The following GMDS variants were observed in gnomAD, a reference collection of about 807,000 sequenced individuals.
GMDS encodes GDP-mannose 4,6-dehydratase.
Under a neutral mutation model 49.9 loss-of-function variants are expected in GMDS, and 20 were observed. The ratio of observed to expected loss-of-function variants is 0.40; its 90% confidence interval spans 0.28 to 0.58. The LOEUF (loss-of-function observed/expected upper bound fraction) is 0.58. Among genes scored for constraint, GMDS ranks in the 20% least tolerant of loss-of-function variants. The probability of loss-of-function intolerance (pLI) is 0.42; values close to 1 mark genes in which losing one functional copy is unlikely to be tolerated. For synonymous variants in GMDS, 177 were observed against 178.6 expected, an observed-to-expected ratio of 0.99 and a Z score of 0.07; for missense variants, 362 against 481.4, an observed-to-expected ratio of 0.75 and a Z score of 2.32.
chr6:1,984,153 A>T (rs1765396837), intron 4 of GMDS, among the ~76,000 whole-genome samples: 1 of 152,152 alleles, frequency 6.6e-6, no homozygotes, highest in Non-Finnish European at 1.5e-5. Context: ...TCTCACTTAT[A>T]AGTGGGAGGT....
At chr6:1,649,603 C>T (rs1365503545) in intron 9 of GMDS, among the ~76,000 whole-genome samples, 1 of 152,206 alleles carries the variant, frequency 6.6e-6, no homozygotes, top group Non-Finnish European at 1.5e-5. Context: ...GGCACAGATG[C>T]ACTAGATCCA....
chr6:1,944,669 CAAAAAAA>C (rs56229524), intron 6 of GMDS, among the ~76,000 whole-genome samples: 35,417 of 101,912 alleles, frequency 0.35, 4,554 homozygotes, highest in Middle Eastern at 0.43. Context: ...GACTCCGTCT[CAAAAAAA>C]AAAAAAAAAA....
chr6:2,211,819 A>G (rs1780074375), intron 1 of GMDS, among the ~76,000 whole-genome samples: 1 of 152,248 alleles, frequency 6.6e-6, no homozygotes, highest in South Asian at 2.1e-4. Context: ...TTTGAAAACA[A>G]TGTTACCAAG....
intron 6 of GMDS, among the ~76,000 whole-genome samples, chr6:1,957,803 T>C (rs1763724226): frequency 6.6e-6 from 1 of 152,150 alleles, no homozygotes; most frequent in African/African-American, 2.4e-5. Flanking sequence ...TTTTATTACT[T>C]TAAAACAATT....
chr6:1,756,606 G>A (rs1361403947), intron 7 of GMDS, among the ~76,000 whole-genome samples: 7 of 152,260 alleles, frequency 4.6e-5, no homozygotes, highest in African/African-American at 1.7e-4. Context: ...GATTCAGTGT[G>A]CAGGAACTCA....
At chr6:1,763,237 C>T (rs1368454175) in intron 7 of GMDS, among the ~76,000 whole-genome samples, 3 of 152,210 alleles carry the variant, frequency 2.0e-5, no homozygotes, top group Non-Finnish European at 4.4e-5. Context: ...CCCACTAGGT[C>T]AGCCCCATTG....
At chr6:1,898,514 C>T (rs1760335937) in intron 7 of GMDS, among the ~76,000 whole-genome samples, 1 of 152,108 alleles carries the variant, frequency 6.6e-6, no homozygotes. Flanking sequence ...TAATAGTTTC[C>T]ACCCTCCTTG....
chr6:1,957,085 G>A (rs1763680096), intron 6 of GMDS, among the ~76,000 whole-genome samples: 1 of 152,146 alleles, frequency 6.6e-6, no homozygotes, highest in Non-Finnish European at 1.5e-5. Context: ...TTACAGGCAT[G>A]AGCCATCGCG....
intron 9 of GMDS, among the ~76,000 whole-genome samples, chr6:1,698,787 CTTTTTTTT>C (rs10641587): frequency 2.3e-5 from 3 of 133,076 alleles, no homozygotes; most frequent in Non-Finnish European, 3.2e-5. Flanking sequence ...CCTGGTTTCC[CTTTTTTTT>C]TTTTTTTTTT....
At chr6:2,122,814 G>A (rs964869415) in intron 2 of GMDS, among the ~76,000 whole-genome samples, 8 of 152,274 alleles carry the variant, frequency 5.3e-5, no homozygotes, top group African/African-American at 1.4e-4. Flanking sequence ...GTACTTTCCC[G>A]CTATAGTGTC....
At chr6:1,819,853 G>A (rs1351878410) in intron 7 of GMDS, among the ~76,000 whole-genome samples, 1 of 149,962 alleles carries the variant, frequency 6.7e-6, no homozygotes, top group African/African-American at 2.4e-5. Flanking sequence ...GACATTTTAG[G>A]AGTAATGTTT....
intron 9 of GMDS, among the ~76,000 whole-genome samples, chr6:1,687,901 T>C (rs1251793276): frequency 2.6e-5 from 4 of 151,964 alleles, no homozygotes; most frequent in Non-Finnish European, 5.9e-5. Flanking sequence ...GAGAACACTG[T>C]AAGCTGCGGG....
At chr6:1,812,734 T>G (rs1688466507) in intron 7 of GMDS, among the ~76,000 whole-genome samples, 1 of 152,150 alleles carries the variant, frequency 6.6e-6, no homozygotes, top group Non-Finnish European at 1.5e-5. Flanking sequence ...TGAGATTTGT[T>G]AGTGTAAATT....
At chr6:1,857,726 A>G (rs548404749) in intron 7 of GMDS, among the ~76,000 whole-genome samples, 9 of 152,312 alleles carry the variant, frequency 5.9e-5, no homozygotes, top group Admixed American at 1.3e-4. Flanking sequence ...TATTTTTAGC[A>G]AGACTGAGCC....
At chr6:1,715,405 T>C (rs1386552474) in intron 9 of GMDS, among the ~76,000 whole-genome samples, 1 of 152,212 alleles carries the variant, frequency 6.6e-6, no homozygotes, top group East Asian at 1.9e-4. Flanking sequence ...AATGTGCACA[T>C]TCATTCATTC....
intron 6 of GMDS, chr6:1,952,107 A>C: frequency 2.9e-4 from 120 of 411,588 alleles, no homozygotes; most frequent in East Asian, 4.8e-4. Flanking sequence ...ACTCAATCTC[A>C]TGCTGCTTCT....
intron 4 of GMDS, among the ~76,000 whole-genome samples, chr6:2,013,008 C>T (rs1414353157): frequency 1.3e-5 from 2 of 152,048 alleles, no homozygotes; most frequent in East Asian, 1.9e-4. Flanking sequence ...CAACTCTGGC[C>T]GCATCTATCT....
At position 1,958,114 on chromosome 6, in the gene GMDS, T is replaced by A. The variant is rs2761240; in HGVS notation, c.643+1753A>T. On this transcript the variant is annotated intron_variant, in intron 6 of 10. Transcript: ENST00000380815. ...GGGCACTGTGCCTGGCCTTAAAATATGTTTTTTTTTTTTTTTTTTTAGTTA... is the reference window on the plus strand; with the variant it reads ...GGGCACTGTGCCTGGCCTTAAAATAAGTTTTTTTTTTTTTTTTTTTAGTTA... Among the ~76,000 whole-genome samples the A allele has an allele frequency of 5.9e-5, 7 of 117,940 alleles. No homozygotes were observed. In the East Asian group the frequency reaches 1.8e-3, roughly 31 times the overall value. 77.4% of individuals were successfully genotyped at this position (117,940 alleles called of 152,430 possible).
chr6:2,181,429 A>G (rs1161889579), intron 1 of GMDS, among the ~76,000 whole-genome samples: 1 of 151,994 alleles, frequency 6.6e-6, no homozygotes, highest in Non-Finnish European at 1.5e-5. Flanking sequence ...TACCAATTCT[A>G]TTTCAAATTA....
Sources: gnomAD v4.1 joint callset for allele counts (sites outside exome capture counted in the v4.1 genomes callset) on GRCh38, gnomAD v4.1.1 for gene constraint, MANE v1.5 for transcripts, NCBI Gene and HGNC (gene_info 2026-07-23, HGNC 2026-07-21) for gene names.